The following EIF3E variants were observed in gnomAD, a reference collection of about 807,000 sequenced individuals.
The protein encoded by EIF3E is eIF-3 p48.
Under a neutral mutation model 59.3 loss-of-function variants are expected in EIF3E, and 25 were observed. That is an observed-to-expected ratio of 0.42 (90% CI 0.31 to 0.59). The LOEUF is 0.59. Ranked by LOEUF, EIF3E falls within the 20% of genes least tolerant of loss-of-function variation. The probability of loss-of-function intolerance (pLI) is 0.15; values close to 1 mark genes in which losing one functional copy is unlikely to be tolerated. For synonymous variants in EIF3E, 176 were observed against 170.2 expected, an observed-to-expected ratio of 1.03 and a Z score of -0.26; for missense variants, 317 against 534.3, an observed-to-expected ratio of 0.59 and a Z score of 4.01.
At chr8:108,226,271 G>T (rs1815515814) in intron 7 of EIF3E, 1 of 145,894 alleles carries the variant, frequency 6.9e-6, no homozygotes, top group Non-Finnish European at 1.5e-5. Context: ...TAGGCTCACT[G>T]CAACCTCCAC....
At chr8:108,224,592 T>C (rs563712750) in intron 7 of EIF3E, among the ~76,000 whole-genome samples, 8 of 151,542 alleles carry the variant, frequency 5.3e-5, no homozygotes, top group South Asian at 4.1e-4. Flanking sequence ...TCTGACCCTA[T>C]AGCAAGTGAA....
At chr8:108,225,741 A>G (rs1390920156) in intron 7 of EIF3E, among the ~76,000 whole-genome samples, 1 of 151,542 alleles carries the variant, frequency 6.6e-6, no homozygotes, top group African/African-American at 2.5e-5. Flanking sequence ...GTGTGAAGCT[A>G]GGTTTTTCAT....
chr8:108,201,876 T>C lies in EIF3E; in HGVS notation c.*9A>G, dbSNP rs755946501. ...ATAGTTTTTTTTTTCATCTTTTCTTTATGGTTCTTCAGTAGAAGCCAGAAT... is the reference window on the plus strand; with the variant it reads ...ATAGTTTTTTTTTTCATCTTTTCTTCATGGTTCTTCAGTAGAAGCCAGAAT... On this transcript the variant is annotated 3_prime_UTR_variant, in exon 13 of 13. Coordinates refer to ENST00000220849, the MANE Select transcript of EIF3E (RefSeq NM_001568.3). The C allele has an allele frequency of 1.3e-6, 2 of 1,546,338 alleles. No homozygotes were observed. Among genetic ancestry groups the C allele is most frequent in the South Asian group, 1.3e-5 (1 of 76,212 alleles).
At chr8:108,224,235 A>T (rs2129884485) in intron 7 of EIF3E, among the ~76,000 whole-genome samples, 1 of 151,630 alleles carries the variant, frequency 6.6e-6, no homozygotes, top group Middle Eastern at 3.4e-3. Context: ...AAAAATAAAA[A>T]TAAAATAATT....
chr8:108,242,417 T>C, intron 1 of EIF3E: 1 of 1,289,342 alleles, frequency 7.8e-7, no homozygotes, highest in Non-Finnish European at 1.0e-6. Flanking sequence ...AAAAGCATAA[T>C]TTAACCTATA....
chr8:108,228,145 T>C (rs1326681622), intron 7 of EIF3E, 122 bp downstream of exon 7: 3 of 1,115,230 alleles, frequency 2.7e-6, no homozygotes, highest in African/African-American at 1.6e-5. Context: ...ATCTACTACA[T>C]GAAGAAAAAA....
At chr8:108,202,901 C>T (rs1815019570) in intron 12 of EIF3E, 82 bp downstream of exon 12, 1 of 1,414,784 alleles carries the variant, frequency 7.1e-7, no homozygotes, top group Admixed American at 2.4e-5. Context: ...TCAGCTACAA[C>T]TCATCAATAC....
intron 5 of EIF3E, chr8:108,234,646 C>T (rs1815690508): frequency 6.4e-6 from 1 of 157,362 alleles, no homozygotes; most frequent in South Asian, 2.0e-4. Flanking sequence ...AATGGATTTA[C>T]TCAACAATAT....
intron 12 of EIF3E, 38 bp downstream of exon 12, chr8:108,202,945 C>T (rs1815020488): frequency 2.5e-6 from 4 of 1,577,278 alleles, no homozygotes; most frequent in Non-Finnish European, 3.4e-6. Context: ...TACATGGTTG[C>T]TAAACCCCAG....
intron 7 of EIF3E, among the ~76,000 whole-genome samples, chr8:108,222,123 G>A (rs1815429677): frequency 6.6e-6 from 1 of 151,972 alleles, no homozygotes; most frequent in Admixed American, 6.6e-5. Context: ...GTTCACTACA[G>A]CCTTTAACTC....
intron 7 of EIF3E, among the ~76,000 whole-genome samples, chr8:108,224,207 G>C (rs1322282386): frequency 6.6e-6 from 1 of 151,320 alleles, no homozygotes; most frequent in African/African-American, 2.5e-5. Context: ...GGGCGACAGA[G>C]TGAGACTCCG....
rs1815030768 is a variant in EIF3E at position 108,203,318 on chromosome 8, A to G, written c.1164+83T>C. On this transcript the variant is annotated intron_variant, in intron 11 of 12. Coordinates refer to ENST00000220849, the MANE Select transcript of EIF3E (RefSeq NM_001568.3). Reference sequence around the variant, plus strand: ...TTAAAACAAAATAAATTATTAAAGGAGGTAATAAAATGTCCTAGTTAAGAA... The same window carrying G: ...TTAAAACAAAATAAATTATTAAAGGGGGTAATAAAATGTCCTAGTTAAGAA... 4 of 1,331,348 alleles carry G rather than the reference A, an allele frequency of 3.0e-6. No individual in the cohort carries two copies. The South Asian group carries it at 5.2e-5, about 17-fold the overall frequency. The allele number at this position is 1,331,348 out of a possible 1,614,324, so 82.5% of individuals were successfully genotyped here. A position where few individuals can be genotyped will look rare whatever the true frequency, so the allele number is the denominator to read the frequency against.
At chr8:108,208,368 A>G (rs1157425084) in intron 10 of EIF3E, among the ~76,000 whole-genome samples, 2 of 152,140 alleles carry the variant, frequency 1.3e-5, no homozygotes, top group African/African-American at 2.4e-5. Context: ...AAGTACTCCA[A>G]GTCTTTTCTA....
chr8:108,235,435 G>T (rs1239553784), intron 4 of EIF3E, among the ~76,000 whole-genome samples: 4 of 152,200 alleles, frequency 2.6e-5, no homozygotes, highest in African/African-American at 9.7e-5. Flanking sequence ...TCCCTTGCAT[G>T]AGCAGTTCAC....
At chr8:108,216,642 T>C (rs183447971) in intron 8 of EIF3E, 129 bp from the exon 9 acceptor site, 72 of 671,600 alleles carry the variant, frequency 1.1e-4, no homozygotes, top group Non-Finnish European at 1.6e-4. Context: ...CCTAGCATCT[T>C]CCCAAAACAA....
At position 108,216,082 on chromosome 8, in the gene EIF3E, C is replaced by T. The variant is rs79311396; in HGVS notation, c.951+330G>A. ...ATATGAAATATTAAAAATATTCATTCGAGATTTAAGACATGAAATTATGGA... is the reference window on the plus strand; with the variant it reads ...ATATGAAATATTAAAAATATTCATTTGAGATTTAAGACATGAAATTATGGA... On this transcript the variant is annotated intron_variant, in intron 9 of 12. Coordinates refer to ENST00000220849, the MANE Select transcript of EIF3E (RefSeq NM_001568.3). Among the ~76,000 whole-genome samples, 1,341 of 152,104 alleles carry T rather than the reference C, an allele frequency of 8.8e-3. 35 individuals carry two copies. The highest frequency in any genetic ancestry group is 0.031 in the African/African-American group (1,277 of 41,482).
chr8:108,209,914 C>T (rs1271313869), intron 10 of EIF3E, among the ~76,000 whole-genome samples: 5 of 151,992 alleles, frequency 3.3e-5, no homozygotes, highest in Admixed American at 6.6e-5. Context: ...ACATCAACAT[C>T]CTGGCTGCTA....
intron 10 of EIF3E, among the ~76,000 whole-genome samples, chr8:108,206,607 CACACACACACTGGCATGGTCGCACAG>C (rs1815106324): frequency 3.4e-5 from 5 of 148,854 alleles, no homozygotes; most frequent in Non-Finnish European, 7.4e-5. Context: ...CACACACACA[CACACACACACTGGCATGGTCGCACAG>C]ACACACACAC....
At chr8:108,235,978 A>C (rs1046459485) in intron 4 of EIF3E, among the ~76,000 whole-genome samples, 183 bp downstream of exon 4, 1 of 152,242 alleles carries the variant, frequency 6.6e-6, no homozygotes, top group African/African-American at 2.4e-5. Context: ...CTATAAGCAC[A>C]TATTTTCCTG....
Sources: allele counts gnomAD v4.1 joint callset (sites outside exome capture counted in the v4.1 genomes callset), GRCh38; gene constraint gnomAD v4.1.1; transcripts MANE v1.5; gene names NCBI Gene and HGNC (gene_info 2026-07-23, HGNC 2026-07-21).